Variants in IMMP2L observed in about 807,000 individuals in gnomAD.
IMMP2L encodes the protein mitochondrial inner membrane protease subunit 2.
Under a neutral mutation model 19.3 loss-of-function variants are expected in IMMP2L, and 18 were observed. The observed-to-expected ratio is 0.93, with a 90% CI of 0.64 to 1.38. The LOEUF is 1.38. Among genes scored for constraint, IMMP2L ranks in the 40% most tolerant of loss-of-function variants. The probability of loss-of-function intolerance (pLI) is 0.00; values close to 1 mark genes in which losing one functional copy is unlikely to be tolerated. For synonymous variants in IMMP2L, 76 were observed against 73.0 expected, an observed-to-expected ratio of 1.04 and a Z score of -0.21; for missense variants, 233 against 218.2, an observed-to-expected ratio of 1.07 and a Z score of -0.43.
At chr7:111,423,929 A>T (rs1366134877) in intron 3 of IMMP2L, among the ~76,000 whole-genome samples, 1 of 151,908 alleles carries the variant, frequency 6.6e-6, no homozygotes, top group African/African-American at 2.4e-5. Flanking sequence ...ATAGTTAACT[A>T]TACTAATGGC....
chr7:110,698,492 G>C (rs749221053), intron 5 of IMMP2L, among the ~76,000 whole-genome samples: 3 of 152,154 alleles, frequency 2.0e-5, no homozygotes, highest in African/African-American at 7.2e-5. Flanking sequence ...TGGATGAATG[G>C]AGCGATGAGA....
chr7:110,810,593 C>A (rs1801969587), intron 5 of IMMP2L, among the ~76,000 whole-genome samples: 1 of 152,004 alleles, frequency 6.6e-6, no homozygotes, highest in African/African-American at 2.4e-5. Flanking sequence ...TGAATCTTTG[C>A]CATCAGACCT....
At chr7:111,000,057 A>T (rs1366503107) in intron 3 of IMMP2L, among the ~76,000 whole-genome samples, 1 of 152,142 alleles carries the variant, frequency 6.6e-6, no homozygotes, top group Non-Finnish European at 1.5e-5. Flanking sequence ...TTTTGTATGG[A>T]AGAGCCATTT....
chr7:111,363,944 T>C (rs1221705947), intron 3 of IMMP2L, among the ~76,000 whole-genome samples: 2 of 152,042 alleles, frequency 1.3e-5, no homozygotes, highest in African/African-American at 4.8e-5. Context: ...GATTATCACC[T>C]GTGCCTAAAG....
chr7:111,502,188 G>A (rs1448304272), intron 2 of IMMP2L, among the ~76,000 whole-genome samples: 1 of 152,008 alleles, frequency 6.6e-6, no homozygotes, highest in Non-Finnish European at 1.5e-5. Flanking sequence ...TGACAAAACA[G>A]ACTTTAAACC....
At chr7:110,704,557 C>G (rs1794515829) in intron 5 of IMMP2L, among the ~76,000 whole-genome samples, 1 of 152,204 alleles carries the variant, frequency 6.6e-6, no homozygotes, top group Non-Finnish European at 1.5e-5. Flanking sequence ...ACTGCCCTAC[C>G]AGAAGTCAGG....
At chr7:111,181,678 G>A (rs1807726493) in intron 3 of IMMP2L, among the ~76,000 whole-genome samples, 2 of 151,892 alleles carry the variant, frequency 1.3e-5, no homozygotes, top group African/African-American at 4.8e-5. Flanking sequence ...AAATGTGCAG[G>A]TTTTATATAA....
intron 3 of IMMP2L, among the ~76,000 whole-genome samples, chr7:111,303,334 A>C (rs1448747909): frequency 6.6e-6 from 1 of 152,132 alleles, no homozygotes; most frequent in Non-Finnish European, 1.5e-5. Flanking sequence ...TTAAAGAGAA[A>C]ATCACACAGA....
chr7:111,236,683 C>A (rs541749498), intron 3 of IMMP2L, among the ~76,000 whole-genome samples: 2 of 152,190 alleles, frequency 1.3e-5, no homozygotes, highest in East Asian at 3.9e-4. Flanking sequence ...CTCTGTCCTG[C>A]AAACTCTAGC....
chr7:111,017,043 T>G (rs949146399), intron 3 of IMMP2L, among the ~76,000 whole-genome samples: 1 of 141,178 alleles, frequency 7.1e-6, no homozygotes, highest in Non-Finnish European at 1.5e-5. Flanking sequence ...GAACTTCATA[T>G]TGCATTTTTT....
At chr7:111,501,980 T>G (rs535870771) in intron 2 of IMMP2L, among the ~76,000 whole-genome samples, 2 of 152,206 alleles carry the variant, frequency 1.3e-5, no homozygotes, top group South Asian at 4.2e-4. Context: ...CAATATTAAC[T>G]TTAAATGTAA....
chr7:111,249,995 A>G (rs1290729857), intron 3 of IMMP2L, among the ~76,000 whole-genome samples: 2 of 152,302 alleles, frequency 1.3e-5, no homozygotes, highest in Non-Finnish European at 1.5e-5. Context: ...ATAATCCTGT[A>G]TCTAGAAAAC....
intron 3 of IMMP2L, chr7:111,122,874 G>T: frequency 1.2e-6 from 2 of 1,613,904 alleles, no homozygotes; most frequent in Non-Finnish European, 1.7e-6. Context: ...GGTTATGTAC[G>T]TGTGAAATCA....
chr7:110,813,480 T>A (rs1802197829), intron 5 of IMMP2L, among the ~76,000 whole-genome samples: 1 of 151,612 alleles, frequency 6.6e-6, no homozygotes, highest in Admixed American at 6.6e-5. Context: ...CAGGCTACAG[T>A]ACAGTGGTGT....
chr7:111,120,134 A>C (rs1027858932), intron 3 of IMMP2L, among the ~76,000 whole-genome samples: 12 of 152,314 alleles, frequency 7.9e-5, no homozygotes, highest in Admixed American at 5.9e-4. Flanking sequence ...TTGGTGTTGG[A>C]AATGATTATA....
In IMMP2L at chr7:111,022,335, C is replaced by T. The variant is rs73714641; in HGVS notation, c.240-58770G>A. On this transcript the variant is annotated intron_variant, in intron 3 of 5. Coordinates refer to ENST00000405709, the MANE Select transcript of IMMP2L (RefSeq NM_032549.4). Reference sequence around the variant, plus strand: ...TTCAGAATCAGTGACATCCTTAGAACGAAGTGCCCCCATCAATCTAACAAA... The same window carrying T: ...TTCAGAATCAGTGACATCCTTAGAATGAAGTGCCCCCATCAATCTAACAAA... Among the ~76,000 whole-genome samples the T allele has an allele frequency of 2.5e-3, 387 of 152,246 alleles. 5 individuals are homozygous for T. Among genetic ancestry groups the T allele is most frequent in the African/African-American group, 8.8e-3 (367 of 41,558 alleles).
At chr7:111,124,042 G>A in intron 3 of IMMP2L, 2 of 1,614,018 alleles carry the variant, frequency 1.2e-6, no homozygotes, top group South Asian at 2.2e-5. Flanking sequence ...CCCTCTTATA[G>A]CTCCTGAGAG....
At chr7:110,788,866 G>C (rs905513060) in intron 5 of IMMP2L, among the ~76,000 whole-genome samples, 1 of 151,718 alleles carries the variant, frequency 6.6e-6, no homozygotes, top group East Asian at 1.9e-4. Flanking sequence ...CCTTGATTCC[G>C]TGTGAACCTT....
chr7:111,078,742 T>C (rs1443315953), intron 3 of IMMP2L, among the ~76,000 whole-genome samples: 2 of 152,052 alleles, frequency 1.3e-5, no homozygotes, highest in African/African-American at 4.8e-5. Flanking sequence ...TATTTATTTA[T>C]TTATTTAAGA....
Sources: allele counts gnomAD v4.1 joint callset (sites outside exome capture counted in the v4.1 genomes callset), GRCh38; gene constraint gnomAD v4.1.1; transcripts MANE v1.5; gene names NCBI Gene and HGNC (gene_info 2026-07-23, HGNC 2026-07-21).